MYLK: variants seen among roughly 807,000 people sequenced by gnomAD.
MYLK encodes the protein myosin light chain kinase, also known as myosin light chain kinase, smooth muscle.
A neutral mutation model predicts 203.4 loss-of-function variants in MYLK; 106 were observed. The ratio of observed to expected loss-of-function variants is 0.52; its 90% CI spans 0.45 to 0.61. MYLK has a LOEUF of 0.61. MYLK is among the 20% of genes least tolerant of loss of function. The pLI, the probability that MYLK is intolerant of heterozygous loss-of-function variation, is 0.00. For synonymous variants in MYLK, 867 were observed against 959.5 expected (o/e 0.90, Z 1.78); for missense variants, 2,072 against 2,442.3 (o/e 0.85, Z 3.20).
At chr3:123,726,471 A>G (rs866530945) in intron 11 of MYLK, among the ~76,000 whole-genome samples, 1 of 152,074 alleles carries the variant, frequency 6.6e-6, no homozygotes, top group Middle Eastern at 3.2e-3. Context: ...CTTCTTTAAT[A>G]TGTCCCATCA....
rs769599836 is a variant in MYLK at position 123,682,307 on chromosome 3, G to A, written c.3569C>T (p.Ala1190Val). ...GGCCTTGGTGTTCTCACTGGCTGGA[G>A]CATCTGGAATGAAACAGGTAACAAT... ...ECSCQVTVDD[A>V]PASENTKAPE... is the part of the protein sequence containing the mutation. The change falls in exon 20 of 34, where the codon GCT (alanine) becomes GTT (valine). Residue 1190 changes from alanine (A) to valine (V), a missense_variant. This residue lies in a region of MYLK where 865 missense variants were observed against 1,016.0 expected (regional missense o/e 0.85). Transcript: ENST00000360304. 19 of 1,596,464 alleles carry A rather than the reference G, an allele frequency of 1.2e-5. No individual in the cohort carries two copies. Among genetic ancestry groups the A allele is most frequent in the Non-Finnish European group, 1.5e-5 (18 of 1,171,112 alleles).
intron 16 of MYLK, among the ~76,000 whole-genome samples, chr3:123,703,685 G>A (rs978649979): frequency 8.3e-6 from 1 of 120,222 alleles, no homozygotes; most frequent in Non-Finnish European, 1.5e-5. Context: ...TAGAATAACT[G>A]TGTGAGGTCA....
intron 2 of MYLK, among the ~76,000 whole-genome samples, chr3:123,864,699 G>A (rs1042850955): frequency 1.3e-5 from 2 of 152,114 alleles, no homozygotes; most frequent in African/African-American, 4.8e-5. Flanking sequence ...GAGGCCAGGA[G>A]CTTGAGACCA....
At position 123,732,957 on chromosome 3, in the gene MYLK, G is replaced by C; in HGVS notation, c.1455C>G (p.Tyr485Ter). The change falls in exon 11 of 34, where the codon TAC (tyrosine) becomes TAG (stop). Residue 485 changes from tyrosine (Y) to a stop codon, truncating the protein, a stop_gained. Coordinates refer to ENST00000360304, the MANE Select transcript of MYLK (RefSeq NM_053025.4). LOFTEE classifies it high-confidence loss of function. ...LKARTRDSGTYSCTASNAQGQ... is the reference protein window; with the variant it reads ...LKARTRDSGT Reference sequence around the variant, plus strand: ...CTTGGGCGTTGGAAGCAGTGCAGCTGTATGTCCCACTGTCCCTGGTCCGGG... The same window carrying C: ...CTTGGGCGTTGGAAGCAGTGCAGCTCTATGTCCCACTGTCCCTGGTCCGGG... The C allele has an allele frequency of 6.2e-7, 1 of 1,614,192 alleles. No individual in the cohort carries two copies. Among genetic ancestry groups the C allele is most frequent in the Non-Finnish European group, 8.5e-7 (1 of 1,180,032 alleles).
At chr3:123,761,879 C>G (rs1380499767) in intron 4 of MYLK, among the ~76,000 whole-genome samples, 1 of 151,966 alleles carries the variant, frequency 6.6e-6, no homozygotes, top group Non-Finnish European at 1.5e-5. Context: ...TACAAAAAAT[C>G]AGCTGGGCAT....
chr3:123,734,027 C>T lies in MYLK; in HGVS notation c.969G>A (p.Glu323=), dbSNP rs368095613. ...QPQPPRESKL[E]SCKDSPRTAP... is the part of the protein sequence containing the mutation. ...CCGTTCTGGGCGAGTCCTTGCATGA[C>T]TCCAGCTTGGACTCCCTTGGGGGCT... is the stretch of plus-strand genomic sequence containing the variant. The change falls in exon 10 of 34, where the codon GAG becomes GAA. Residue 323 remains glutamate, a synonymous_variant. Transcript: ENST00000360304. 1.4e-5 allele frequency: 22 copies of T among 1,614,104 alleles called. No individual in the cohort carries two copies. Among genetic ancestry groups the T allele is most frequent in the Non-Finnish European group, 1.7e-5 (20 of 1,180,054 alleles).
chr3:123,884,233 G>T lies in MYLK; in HGVS notation c.-213C>A, dbSNP rs2033717225. 6.7e-6 allele frequency: 1 copy of T among 150,256 alleles called. No individual in the cohort carries two copies. The highest frequency in any genetic ancestry group is 2.4e-5 in the African/African-American group (1 of 41,354). The allele number at this position is 150,256 out of a possible 1,614,324, so 9.3% of individuals were successfully genotyped here. ...GCGCGGCGAAGGCGGCCCGGGAGCCGGGGCACCGGCGCTCGGCGGGGCGCC... is the reference window on the plus strand; with the variant it reads ...GCGCGGCGAAGGCGGCCCGGGAGCCTGGGCACCGGCGCTCGGCGGGGCGCC... On this transcript the variant is annotated 5_prime_UTR_variant, in exon 1 of 34. Coordinates refer to ENST00000360304, the MANE Select transcript of MYLK (RefSeq NM_053025.4).
At chr3:123,635,226 G>A (rs1250949118) in intron 29 of MYLK, among the ~76,000 whole-genome samples, 4 of 152,232 alleles carry the variant, frequency 2.6e-5, no homozygotes, top group Non-Finnish European at 1.5e-5. Context: ...GGATAGAGTG[G>A]GCCAGAGGAT....
intron 31 of MYLK, chr3:123,625,356 G>A (rs1017310074): frequency 2.0e-5 from 3 of 152,100 alleles, no homozygotes; most frequent in African/African-American, 7.3e-5. Context: ...CGTAGTCCCT[G>A]AGTAAGGAAA....
intron 1 of MYLK, among the ~76,000 whole-genome samples, chr3:123,880,080 G>A (rs778342077): frequency 9.2e-5 from 14 of 152,270 alleles, no homozygotes; most frequent in Non-Finnish European, 1.9e-4. Context: ...TATAATAAAA[G>A]CTATTCTTTG....
intron 19 of MYLK, among the ~76,000 whole-genome samples, chr3:123,682,949 A>T (rs576185264): frequency 6.6e-6 from 1 of 152,232 alleles, no homozygotes; most frequent in South Asian, 2.1e-4. Context: ...GGGCGGACCT[A>T]AAGATGCTGG....
At chr3:123,625,246 A>T (rs1276057478) in intron 31 of MYLK, 4 of 152,140 alleles carry the variant, frequency 2.6e-5, no homozygotes, top group Admixed American at 2.6e-4. Flanking sequence ...CGTTCTATCC[A>T]TACACACCCA....
chr3:123,657,006 C>G, intron 24 of MYLK, 120 bp downstream of exon 24: 1 of 1,172,718 alleles, frequency 8.5e-7, no homozygotes, highest in Non-Finnish European at 1.3e-6. Flanking sequence ...CCAAAAGACC[C>G]TGCCAGTCAT....
intron 2 of MYLK, among the ~76,000 whole-genome samples, chr3:123,848,142 C>T (rs2148660962): frequency 6.6e-6 from 1 of 151,198 alleles, no homozygotes; most frequent in East Asian, 1.9e-4. Flanking sequence ...CCTCCTAATC[C>T]AAATTTTAAC....
At chr3:123,745,968 C>T (rs921703603) in intron 5 of MYLK, among the ~76,000 whole-genome samples, 10 of 152,160 alleles carry the variant, frequency 6.6e-5, no homozygotes, top group Non-Finnish European at 1.3e-4. Context: ...AGTGATTCTC[C>T]TGCCTCAGCC....
chr3:123,707,924 G>C lies in MYLK; in HGVS notation c.2220C>G (p.Ile740Met), dbSNP rs2061524926. The change falls in exon 16 of 34, where the codon ATC becomes ATG. Residue 740 changes from isoleucine to methionine, a missense_variant. This residue lies in a region of MYLK where 865 missense variants were observed against 1,016.0 expected (regional missense o/e 0.85). Transcript: ENST00000360304. ...VTASLGQSVL[I>M]SCAIAGDPFP... The stretch of plus-strand genomic sequence containing the variant: ...AGGGGTCACCAGCTATGGCGCAGGA[G>C]ATGAGGACACTCTGGCCCAGGGAGG... 6.2e-7 allele frequency: 1 copy of C among 1,614,108 alleles called. No homozygotes were observed. Among genetic ancestry groups the C allele is most frequent in the African/African-American group, 1.3e-5 (1 of 74,924 alleles).
intron 3 of MYLK, among the ~76,000 whole-genome samples, chr3:123,802,878 C>A (rs949162312): frequency 6.6e-6 from 1 of 152,154 alleles, no homozygotes; most frequent in African/African-American, 2.4e-5. Flanking sequence ...GGTTTCACCC[C>A]CTCAGGATTA....
At chr3:123,773,438 A>C (rs1384090843) in intron 4 of MYLK, among the ~76,000 whole-genome samples, 1 of 152,252 alleles carries the variant, frequency 6.6e-6, no homozygotes, top group Admixed American at 6.5e-5. Context: ...TACTTACTGA[A>C]ATTCAAATTA....
chr3:123,832,288 C>T (rs911903062), intron 2 of MYLK, among the ~76,000 whole-genome samples: 1 of 152,194 alleles, frequency 6.6e-6, no homozygotes, highest in Admixed American at 6.5e-5. Context: ...CCTGAAGTTC[C>T]CCCTTCTCCT....
Sources: gnomAD v4.1 joint callset for allele counts (sites outside exome capture counted in the v4.1 genomes callset) on GRCh38, gnomAD v4.1.1 for gene constraint, gnomAD v4.1.1 regional missense constraint, MANE v1.5 for transcripts, NCBI Gene and HGNC (gene_info 2026-07-23, HGNC 2026-07-21) for gene names.